The following HDAC9 variants were observed in gnomAD, a reference collection of about 807,000 sequenced individuals.
HDAC9 encodes the protein histone deacetylase 9, also known as MEF-2 interacting transcription repressor (MITR) protein.
In HDAC9, 41 loss-of-function variants were observed where a neutral mutation model predicts 139.4. The ratio of observed to expected loss-of-function variants is 0.29; its 90% CI spans 0.23 to 0.38. The LOEUF is 0.38. HDAC9 is among the 10% of genes least tolerant of loss of function. The pLI, the probability that HDAC9 is intolerant of heterozygous loss-of-function variation, is 1.00. For missense variants in HDAC9, 1,147 were observed against 1,297.0 expected (o/e 0.88, Z 1.78); for synonymous variants, 517 against 476.2 (o/e 1.09, Z -1.12).
intron 6 of HDAC9, among the ~76,000 whole-genome samples, chr7:18,625,508 CTGT>C (rs1841442393): frequency 6.6e-6 from 1 of 152,174 alleles, no homozygotes; most frequent in Non-Finnish European, 1.5e-5. Context: ...TACCAGATGC[CTGT>C]AGCAGCTCTC....
chr7:18,248,649 A>G (rs913273261), intron 2 of HDAC9, among the ~76,000 whole-genome samples: 5 of 152,166 alleles, frequency 3.3e-5, no homozygotes, highest in African/African-American at 1.2e-4. Context: ...TTCATGCACT[A>G]CATGAGAGGG....
At chr7:18,807,646 T>C (rs1444436797) in intron 17 of HDAC9, among the ~76,000 whole-genome samples, 1 of 152,174 alleles carries the variant, frequency 6.6e-6, no homozygotes, top group Admixed American at 6.6e-5. Flanking sequence ...TTCATTTAGA[T>C]TAATTTTTTA....
intron 11 of HDAC9, among the ~76,000 whole-genome samples, chr7:18,658,911 A>C (rs1792205699): frequency 1.3e-5 from 2 of 151,566 alleles, no homozygotes; most frequent in African/African-American, 4.8e-5. Context: ...AAAAAAAAAA[A>C]AACAAAACAA....
chr7:18,957,191 TAGAG>T (rs1783213261), intron 24 of HDAC9, among the ~76,000 whole-genome samples: 1 of 152,034 alleles, frequency 6.6e-6, no homozygotes, highest in East Asian at 1.9e-4. Flanking sequence ...TGAAACTCGG[TAGAG>T]AGAAAGTGTT....
intron 11 of HDAC9, among the ~76,000 whole-genome samples, chr7:18,653,490 T>C (rs1316772507): frequency 6.6e-6 from 1 of 152,128 alleles, no homozygotes. Context: ...CAGCCAACAC[T>C]TTTTTAAAAA....
intron 16 of HDAC9, among the ~76,000 whole-genome samples, chr7:18,787,932 T>C (rs1791958584): frequency 6.6e-6 from 1 of 152,184 alleles, no homozygotes; most frequent in Non-Finnish European, 1.5e-5. Flanking sequence ...GATCACCTTA[T>C]TATTGGACTT....
In HDAC9 at chr7:18,767,149, A is replaced by G; in HGVS notation, c.2208A>G (p.Gly736=). The change falls in exon 16 of 26, where the codon GGA becomes GGG. Residue 736 remains glycine, a synonymous_variant. Transcript: ENST00000686413. ...TTTTTTCCTCATTACCTTGTGGTGG[A>G]CTTGGGGTAAGTACAAGTTGGTTTA... ...QKFFSSLPCG[G]LGVDSDTIWN... is the part of the protein sequence containing the mutation. 6.3e-7 allele frequency: 1 copy of G among 1,575,698 alleles called. No homozygotes were observed. Among genetic ancestry groups the G allele is most frequent in the South Asian group, 1.2e-5 (1 of 85,852 alleles).
intron 17 of HDAC9, among the ~76,000 whole-genome samples, chr7:18,827,139 A>ATTAAACC (rs1327310659): frequency 1.3e-5 from 2 of 151,774 alleles, no homozygotes; most frequent in Admixed American, 6.6e-5. Flanking sequence ...AATAACCCAC[A>ATTAAACC]TTAAACCTTC....
In HDAC9 at chr7:18,177,484, A is replaced by G. The variant is rs532918122; in HGVS notation, c.25+15135A>G. ...TCCTCAATGAACCCCACTCTGTTCA[A>G]CATGTAGAGCTGCTTACCTTCCCCA... On this transcript the variant is annotated intron_variant, in intron 2 of 12. Transcript: ENST00000417496. Among the ~76,000 whole-genome samples, 7 of 152,302 alleles carry G rather than the reference A, an allele frequency of 4.6e-5. 1 individual carries two copies. The South Asian group carries it at 1.4e-3, about 32-fold the overall frequency.
At chr7:18,674,758 G>A (rs756790) in intron 12 of HDAC9, among the ~76,000 whole-genome samples, 57,492 of 151,646 alleles carry the variant, frequency 0.38, 15,195 homozygotes, top group African/African-American at 0.73. Flanking sequence ...TACTTGATGG[G>A]CTATTTCTTG....
At chr7:18,643,014 A>G (rs545337565) in intron 8 of HDAC9, among the ~76,000 whole-genome samples, 25 of 152,248 alleles carry the variant, frequency 1.6e-4, no homozygotes, top group African/African-American at 4.8e-4. Flanking sequence ...TTTCTCTTCA[A>G]TGAATACAGA....
At chr7:18,464,998 T>A (rs1188780358) in intron 1 of HDAC9, among the ~76,000 whole-genome samples, 98 of 152,194 alleles carry the variant, frequency 6.4e-4, no homozygotes, top group African/African-American at 2.2e-3. Flanking sequence ...TACTTTCTTG[T>A]ATGTTTGGGA....
At chr7:18,939,177 T>C (rs905355617) in intron 23 of HDAC9, among the ~76,000 whole-genome samples, 4 of 152,208 alleles carry the variant, frequency 2.6e-5, no homozygotes, top group Admixed American at 1.3e-4. Flanking sequence ...TAAAATTTTT[T>C]CAATATAAAC....
intron 2 of HDAC9, among the ~76,000 whole-genome samples, chr7:18,220,217 G>T (rs1792600366): frequency 6.6e-6 from 1 of 152,174 alleles, no homozygotes; most frequent in Admixed American, 6.6e-5. Flanking sequence ...GACCAAGAGT[G>T]TATGTGATGG....
At chr7:18,952,896 A>G (rs561315369) in intron 23 of HDAC9, among the ~76,000 whole-genome samples, 1 of 151,884 alleles carries the variant, frequency 6.6e-6, no homozygotes, top group East Asian at 1.9e-4. Context: ...TTGGCAGCTA[A>G]GAAAAACACT....
chr7:18,339,953 T>G (rs1781877288), intron 1 of HDAC9, among the ~76,000 whole-genome samples: 1 of 151,728 alleles, frequency 6.6e-6, no homozygotes, highest in African/African-American at 2.4e-5. Context: ...ACTGATTTTC[T>G]GTCTATGTTT....
intron 1 of HDAC9, among the ~76,000 whole-genome samples, chr7:18,306,941 G>T (rs1798952147): frequency 6.6e-6 from 1 of 152,066 alleles, no homozygotes; most frequent in Non-Finnish European, 1.5e-5. Context: ...GGTCATCTGA[G>T]CCAGCAGGCT....
intron 17 of HDAC9, among the ~76,000 whole-genome samples, chr7:18,798,160 AC>A (rs1285383196): frequency 6.6e-6 from 1 of 152,156 alleles, no homozygotes; most frequent in East Asian, 1.9e-4. Context: ...AAAGAGTAAA[AC>A]AGTCCGCTCC....
intron 6 of HDAC9, among the ~76,000 whole-genome samples, chr7:18,609,078 AT>A (rs1382087735): frequency 4.6e-5 from 7 of 152,162 alleles, no homozygotes; most frequent in African/African-American, 7.2e-5. Flanking sequence ...CATTATATAT[AT>A]TTTGAAGTAG....
Sources: allele counts gnomAD v4.1 joint callset (sites outside exome capture counted in the v4.1 genomes callset), GRCh38; gene constraint gnomAD v4.1.1; transcripts MANE v1.5; gene names NCBI Gene and HGNC (gene_info 2026-07-23, HGNC 2026-07-21).